The following CELF2 variants were observed in gnomAD, a reference collection of about 807,000 sequenced individuals.
The protein encoded by CELF2 is CUGBP Elav-like family member 2.
CELF2 carries 8 observed loss-of-function variants against 62.6 expected under a neutral mutation model. The observed-to-expected ratio is 0.13, with a 90% CI of 0.07 to 0.23. The LOEUF is 0.23. Ranked by LOEUF, CELF2 falls within the 10% of genes least tolerant of loss-of-function variation. The pLI is 1.00. For synonymous variants in CELF2, 258 were observed against 250.0 expected (o/e 1.03, Z -0.30); for missense variants, 333 against 671.0 (o/e 0.50, Z 5.56).
intron 1 of CELF2, among the ~76,000 whole-genome samples, chr10:10,855,036 T>G (rs1431315261): frequency 1.3e-5 from 2 of 152,168 alleles, no homozygotes; most frequent in Non-Finnish European, 2.9e-5. Flanking sequence ...GCTGGGGAAC[T>G]TCATCTTTGG....
At chr10:11,054,743 C>G (rs912138879) in intron 1 of CELF2, among the ~76,000 whole-genome samples, 7 of 152,076 alleles carry the variant, frequency 4.6e-5, no homozygotes, top group African/African-American at 1.7e-4. Context: ...TCTTTGGAGT[C>G]TTGCTCTGTC....
chr10:10,728,591 A>G, the CELF2 span, among the ~76,000 whole-genome samples: 2 of 152,080 alleles, frequency 1.3e-5, no homozygotes, highest in African/African-American at 2.4e-5. Context: ...TGCAGAGCTG[A>G]TGATTATGGT....
chr10:10,590,464 A>G, the CELF2 span, among the ~76,000 whole-genome samples: 4 of 152,362 alleles, frequency 2.6e-5, no homozygotes, highest in African/African-American at 9.6e-5. Flanking sequence ...GTATAATAAA[A>G]GGCACAATTT....
At chr10:10,627,338 A>G in the CELF2 span, among the ~76,000 whole-genome samples, 1 of 152,192 alleles carries the variant, frequency 6.6e-6, no homozygotes, top group Non-Finnish European at 1.5e-5. Flanking sequence ...TGTTAATGAC[A>G]TTTTTAGCTG....
chr10:11,290,325 G>A lies in CELF2; in HGVS notation c.976+1773G>A, dbSNP rs946868186. ...ACCTTTGAGCAGAGACCTGAGTTCC[G>A]TGACGGAAGCCATGGCGCGTGTTGA... On this transcript the variant is annotated intron_variant, in intron 9 of 12. Transcript: ENST00000633077. This position sits in a 1 kb window ranked among gnomAD's most constrained non-coding sequence, Gnocchi z 4.3. Among the ~76,000 whole-genome samples, 13 of 152,132 alleles carry A rather than the reference G, an allele frequency of 8.5e-5. No homozygotes were observed. Among genetic ancestry groups the A allele is most frequent in the Non-Finnish European group, 1.6e-4 (11 of 68,026 alleles).
the CELF2 span, among the ~76,000 whole-genome samples, chr10:10,488,816 T>C: frequency 6.6e-6 from 1 of 152,100 alleles, no homozygotes; most frequent in African/African-American, 2.4e-5. Flanking sequence ...TTATCAAATC[T>C]TTCCATTCTT....
At position 11,302,767 on chromosome 10, in the gene CELF2, G is replaced by A. The variant is rs2093885598; in HGVS notation, c.977-11372G>A. On this transcript the variant is annotated intron_variant, in intron 9 of 12. Transcript: ENST00000633077. The surrounding 1 kb of genome is among the most constrained non-coding windows in gnomAD (Gnocchi z 5.0). ...GGGCTTGTATTTATGTCGATCCTTT[G>A]TTCTCGGGTCTCTAAATTGACATGA... 6.6e-6 allele frequency among the ~76,000 whole-genome samples: 1 copy of A among 152,134 alleles called. No homozygotes were observed. The highest frequency in any genetic ancestry group is 2.4e-5 in the African/African-American group (1 of 41,432).
intron 1 of CELF2, among the ~76,000 whole-genome samples, chr10:11,066,814 GT>G (rs2068294932): frequency 6.6e-6 from 1 of 152,138 alleles, no homozygotes; most frequent in Non-Finnish European, 1.5e-5. Context: ...GTGCCAGGGT[GT>G]GGGGGGAGCT....
At chr10:10,766,456 G>C in the CELF2 span, among the ~76,000 whole-genome samples, 4 of 152,200 alleles carry the variant, frequency 2.6e-5, no homozygotes, top group Non-Finnish European at 4.4e-5. Flanking sequence ...GAAGATGTGT[G>C]TTCCGGGAAA....
intron 1 of CELF2, among the ~76,000 whole-genome samples, chr10:11,037,597 AC>A: frequency 6.6e-6 from 1 of 152,318 alleles, no homozygotes; most frequent in South Asian, 2.1e-4. Flanking sequence ...CAAGCTGGCC[AC>A]AGCCCCATGT....
the CELF2 span, among the ~76,000 whole-genome samples, chr10:10,463,842 TGTA>T: frequency 6.6e-6 from 1 of 152,118 alleles, no homozygotes; most frequent in African/African-American, 2.4e-5. Context: ...TGTAAACTGG[TGTA>T]GTTTTTATTT....
At chr10:10,470,985 G>A in the CELF2 span, among the ~76,000 whole-genome samples, 1 of 150,832 alleles carries the variant, frequency 6.6e-6, no homozygotes, top group African/African-American at 2.4e-5. Flanking sequence ...TTTCATTTTA[G>A]TGTCTAATTT....
At chr10:11,326,283 G>A (rs930505986) in intron 12 of CELF2, among the ~76,000 whole-genome samples, 3 of 152,246 alleles carry the variant, frequency 2.0e-5, no homozygotes, top group Admixed American at 6.5e-5. Flanking sequence ...CACCGTGGTT[G>A]TGGGCAACAC....
At chr10:10,976,663 T>C (rs2051377350) in intron 2 of CELF2, among the ~76,000 whole-genome samples, 1 of 152,206 alleles carries the variant, frequency 6.6e-6, no homozygotes, top group Non-Finnish European at 1.5e-5. Flanking sequence ...CTAACAAGGC[T>C]TTGGAAATTG....
At chr10:10,499,663 A>G in the CELF2 span, among the ~76,000 whole-genome samples, 729 of 152,276 alleles carry the variant, frequency 4.8e-3, 6 homozygotes, top group African/African-American at 0.016. Flanking sequence ...GCAGATCATG[A>G]GGTCAAGAGT....
intron 9 of CELF2, among the ~76,000 whole-genome samples, chr10:11,288,793 G>A (rs994557982): frequency 1.3e-5 from 2 of 152,220 alleles, no homozygotes; most frequent in Admixed American, 6.5e-5. Context: ...TGTGCAAGCC[G>A]TTCTCACACA....
At chr10:10,932,265 G>A (rs1441959206) in intron 2 of CELF2, among the ~76,000 whole-genome samples, 1 of 152,174 alleles carries the variant, frequency 6.6e-6, no homozygotes, top group Non-Finnish European at 1.5e-5. Context: ...ATGCGGTGGG[G>A]AGTGGGGAGA....
At chr10:10,549,174 C>T in the CELF2 span, among the ~76,000 whole-genome samples, 1 of 152,112 alleles carries the variant, frequency 6.6e-6, no homozygotes. Context: ...GCTTGGGCTA[C>T]CATAACAAAA....
chr10:11,288,546 A>G lies in CELF2; in HGVS notation c.970A>G (p.Ser324Gly). Residue 324 changes from serine (S) to glycine (G), a missense_variant, in exon 9 of 13, where the codon AGT (serine) becomes GGT (glycine). Physicochemically the swap from Ser to Gly is moderately conservative, Grantham distance 56. Coordinates refer to ENST00000633077, the MANE Select transcript of CELF2 (RefSeq NM_001326342.2). ...GAGCAGCGCCCTGGGAGCCCTCACG[A>G]GTCCCGGTGAGTGTGGGGGGTGCTC... is the stretch of plus-strand genomic sequence containing the variant. The part of the protein sequence containing the change: ...TTSSALGALT[S>G]PVAASTPNST... 6.2e-7 allele frequency: 1 copy of G among 1,613,626 alleles called. No individual in the cohort carries two copies. The highest frequency in any genetic ancestry group is 8.5e-7 in the Non-Finnish European group (1 of 1,179,918).
Sources: allele counts gnomAD v4.1 joint callset (sites outside exome capture counted in the v4.1 genomes callset), GRCh38; gene constraint gnomAD v4.1.1; non-coding constraint Gnocchi (gnomAD v3.1); transcripts MANE v1.5; gene names NCBI Gene and HGNC (gene_info 2026-07-23, HGNC 2026-07-21).